Variants in PARP6 observed in about 807,000 individuals in gnomAD.
PARP6 encodes protein mono-ADP-ribosyltransferase PARP6.
In PARP6, 27 loss-of-function variants were observed where a neutral mutation model predicts 92.0. The ratio of observed to expected loss-of-function variants is 0.29; its 90% confidence interval spans 0.22 to 0.40. The LOEUF (loss-of-function observed/expected upper bound fraction) is 0.40. Among genes scored for constraint, PARP6 ranks in the 10% least tolerant of loss-of-function variants. The pLI is 1.00. For missense variants in PARP6, 501 were observed against 784.5 expected (o/e 0.64, Z 4.32); for synonymous variants, 272 against 281.2 (o/e 0.97, Z 0.33).
chr15:72,269,215 C>T (rs2087024253), intron 2 of PARP6, among the ~76,000 whole-genome samples: 1 of 152,102 alleles, frequency 6.6e-6, no homozygotes, highest in African/African-American at 2.4e-5. Context: ...GGCTGGAGTG[C>T]AATGGTGCGA....
In PARP6 at chr15:72,267,510, G is replaced by A. The variant is rs1391456891; in HGVS notation, c.-33C>T. 12 of 1,613,608 alleles carry A rather than the reference G, an allele frequency of 7.4e-6. No individual in the cohort carries two copies. The highest frequency in any genetic ancestry group is 9.3e-6 in the Non-Finnish European group (11 of 1,179,666). ...GTGGGTCACACACACTCTCAGGTCA[G>A]TGCTAGGCAGCACCCCTCCATACCA... On this transcript the variant is annotated 5_prime_UTR_variant, in exon 3 of 24. Coordinates refer to ENST00000569795, the MANE Select transcript of PARP6 (RefSeq NM_001323532.2).
At chr15:72,265,599 C>G in intron 5 of PARP6, 126 bp from the exon 6 acceptor site, 1 of 771,352 alleles carries the variant, frequency 1.3e-6, no homozygotes, top group Non-Finnish European at 2.3e-6. Flanking sequence ...AGTTTTGTAC[C>G]TAGGGTCTTA....
intron 2 of PARP6, among the ~76,000 whole-genome samples, chr15:72,268,983 C>A (rs1293122766): frequency 6.6e-6 from 1 of 152,148 alleles, no homozygotes; most frequent in East Asian, 1.9e-4. Flanking sequence ...ACAAAAAACT[C>A]ATCTGTGAAA....
In PARP6 at chr15:72,260,568, C is replaced by T. The variant is rs1209907479; in HGVS notation, c.666G>A (p.Val222=). The T allele has an allele frequency of 6.2e-7, 1 of 1,614,174 alleles. No homozygotes were observed. Among genetic ancestry groups the T allele is most frequent in the Non-Finnish European group, 8.5e-7 (1 of 1,180,044 alleles). The change falls in exon 10 of 24, where the codon GTG becomes GTA. Residue 222 remains valine (V), a synonymous_variant. Transcript: ENST00000569795. ...SISCTMKNPK[V]EVFGYPPSPQ... is the part of the protein sequence containing the mutation. ...GGCTGGGAGGGTAGCCAAACACTTC[C>T]ACTTTGGGGTTCTTCATGGTACAGG...
chr15:72,246,173 G>T (rs1042920982), intron 20 of PARP6, among the ~76,000 whole-genome samples: 5 of 151,962 alleles, frequency 3.3e-5, no homozygotes, highest in African/African-American at 9.7e-5. Flanking sequence ...TTTTTGAGAC[G>T]GAGTCTCACT....
Position 72,257,420 on chromosome 15 carries a change from T to C in PARP6, c.927A>G (p.Glu309=), listed in dbSNP as rs752543924. 27 of 1,613,886 alleles carry C rather than the reference T, an allele frequency of 1.7e-5. No individual in the cohort carries two copies. The highest frequency in any genetic ancestry group is 2.2e-5 in the Non-Finnish European group (26 of 1,179,926). The change falls in exon 13 of 24, where the codon GAA becomes GAG. Residue 309 remains glutamate (E), a synonymous_variant. Transcript: ENST00000569795. ...SMLKPAVCTR[E]LCVFSFYTLG... ...GTGTGTAGAAGGAGAAAACGCATAG[T>C]TCACGAGTACAGACAGCTGGCTGAA...
chr15:72,260,692 C>G lies in PARP6; in HGVS notation c.546-4G>C, dbSNP rs2085753765. ...TATGATAGGGAAACTGGGAGACCTG[C>G]AGAGAGAGAGCAAAGAGAAGTGATA... On this transcript the variant is annotated splice_region_variant and splice_polypyrimidine_tract_variant and intron_variant, in intron 9 of 23. Transcript: ENST00000569795. The G allele has an allele frequency of 1.2e-6, 2 of 1,604,784 alleles. No homozygotes were observed. The highest frequency in any genetic ancestry group is 2.7e-5 in the African/African-American group (2 of 74,818).
In PARP6 at chr15:72,266,838, A is replaced by T. The variant is rs1449612421; in HGVS notation, c.4-16T>A. 4 of 1,597,464 alleles carry T rather than the reference A, an allele frequency of 2.5e-6. No individual in the cohort carries two copies. In the East Asian group the frequency reaches 8.9e-5, roughly 36 times the overall value. ...CTTTGATGTCCTAGTGGTGAGAAAT[A>T]AGGATATCATGCTTTGTTAGGTCCC... On this transcript the variant is annotated splice_polypyrimidine_tract_variant and intron_variant, in intron 3 of 23. Coordinates refer to ENST00000569795, the MANE Select transcript of PARP6 (RefSeq NM_001323532.2).
At chr15:72,271,924 C>T (rs1165839122) in intron 1 of PARP6, among the ~76,000 whole-genome samples, 2 of 152,204 alleles carry the variant, frequency 1.3e-5, no homozygotes, top group Non-Finnish European at 2.9e-5. Context: ...TCCATGGGCG[C>T]TTCTCTAGGT....
At chr15:72,265,215 G>A (rs541771665) in intron 6 of PARP6, 44 bp from the exon 7 acceptor site, 12 of 1,359,292 alleles carry the variant, frequency 8.8e-6, no homozygotes, top group South Asian at 2.4e-5. Context: ...CAACATAGAC[G>A]AATGGACCTG....
chr15:72,257,340 C>T lies in PARP6; in HGVS notation c.999+8G>A, dbSNP rs1448740892. On this transcript the variant is annotated splice_region_variant and intron_variant, in intron 13 of 23. Transcript: ENST00000569795. ...CCAATTCCCCAGCCACGTTTCCCTC[C>T]CCCATACCTCTGCTCCAGTGGCCAC... is the stretch of plus-strand genomic sequence containing the variant. 11 of 1,604,314 alleles carry T rather than the reference C, an allele frequency of 6.9e-6. No homozygotes were observed. The highest frequency in any genetic ancestry group is 1.3e-5 in the African/African-American group (1 of 74,738).
chr15:72,255,461 C>A (rs1204247715), intron 14 of PARP6, among the ~76,000 whole-genome samples: 1 of 151,780 alleles, frequency 6.6e-6, no homozygotes, highest in African/African-American at 2.4e-5. Flanking sequence ...ACCATGTTGG[C>A]CAGGCTGGTC....
intron 16 of PARP6, among the ~76,000 whole-genome samples, chr15:72,253,201 A>G (rs1249837954): frequency 1.3e-5 from 2 of 152,072 alleles, no homozygotes; most frequent in Admixed American, 1.3e-4. Context: ...AAACAATTAA[A>G]ATAAGATTAA....
At chr15:72,257,904 A>G (rs2085336994) in intron 12 of PARP6, 133 bp downstream of exon 12, 1 of 673,836 alleles carries the variant, frequency 1.5e-6, no homozygotes, top group Non-Finnish European at 2.7e-6. Context: ...TCTGAGAAAA[A>G]TCAACAATTT....
Position 72,256,569 on chromosome 15 carries a change from T to C in PARP6, c.1021A>G (p.Met341Val), listed in dbSNP as rs778884514. 1 of 1,574,592 alleles carries C rather than the reference T, an allele frequency of 6.4e-7. No homozygotes were observed. Among genetic ancestry groups the C allele is most frequent in the Non-Finnish European group, 8.6e-7 (1 of 1,163,080 alleles). The stretch of plus-strand genomic sequence containing the variant: ...GGGGACTCTAAAGCTGCCCTACACA[T>C]GGCCACCAGCAGATCCACCACCTTA... ...GAEVVDLLVA[M>V]CRAALESPRK... The change falls in exon 14 of 24, where the codon ATG becomes GTG. Residue 341 changes from methionine (M) to valine (V), a missense_variant. By Grantham distance (21) the Met-to-Val change is conservative (BLOSUM62 1). Coordinates refer to ENST00000569795, the MANE Select transcript of PARP6 (RefSeq NM_001323532.2).
Position 72,256,528 on chromosome 15 carries a change from G to A in PARP6, c.1062C>T (p.Ile354=). Residue 354 remains isoleucine (I), a synonymous_variant, in exon 14 of 24, where the codon ATC becomes ATT. Transcript: ENST00000569795. ...AALESPRKSI[I]FEPYPSVVDP... The stretch of plus-strand genomic sequence containing the variant: ...CCACCACAGAGGGATAAGGCTCAAA[G>A]ATGATGCTCTTTCTAGGGGACTCTA... 2 of 1,598,288 alleles carry A rather than the reference G, an allele frequency of 1.3e-6. No individual in the cohort carries two copies. The highest frequency in any genetic ancestry group is 8.5e-7 in the Non-Finnish European group (1 of 1,173,180).
intron 19 of PARP6, 68 bp from the exon 20 acceptor site, chr15:72,249,382 G>T: frequency 2.3e-6 from 2 of 878,250 alleles, no homozygotes; most frequent in Non-Finnish European, 3.7e-6. Context: ...TTAGGCAGCA[G>T]CAAGGCTTAT....
At chr15:72,270,647 A>G (rs1186225498) in intron 2 of PARP6, among the ~76,000 whole-genome samples, 2 of 152,144 alleles carry the variant, frequency 1.3e-5, no homozygotes, top group African/African-American at 4.8e-5. Context: ...TTCCACCCAG[A>G]TATCCACATG....
chr15:72,249,163 G>A (rs908428068), intron 20 of PARP6, 82 bp downstream of exon 20: 29 of 729,760 alleles, frequency 4.0e-5, no homozygotes, highest in South Asian at 2.1e-4. Context: ...CCATAATGAG[G>A]GAGGAACAGA....
Sources: gnomAD v4.1 joint callset for allele counts (sites outside exome capture counted in the v4.1 genomes callset) on GRCh38, gnomAD v4.1.1 for gene constraint, MANE v1.5 for transcripts, NCBI Gene and HGNC (gene_info 2026-07-23, HGNC 2026-07-21) for gene names.